The following RPS6KC1 variants were observed in gnomAD, a reference collection of about 807,000 sequenced individuals.
RPS6KC1 encodes the protein inactive ribosomal protein S6 kinase delta-1.
In RPS6KC1, 54 loss-of-function variants were observed where a neutral mutation model predicts 103.8. The ratio of observed to expected loss-of-function variants is 0.52; its 90% confidence interval spans 0.42 to 0.65. The LOEUF is 0.65. RPS6KC1 is among the 30% of genes least tolerant of loss of function. The pLI is 0.00. For missense variants in RPS6KC1, 1,151 were observed against 1,253.8 expected (o/e 0.92, Z 1.24); for synonymous variants, 439 against 438.7 (o/e 1.00, Z -0.01).
At chr1:213,687,107 C>T in the RPS6KC1 span, among the ~76,000 whole-genome samples, 15 of 152,302 alleles carry the variant, frequency 9.8e-5, no homozygotes, top group East Asian at 2.9e-3. Context: ...TGCTTCTTTA[C>T]CGCATCCTGT....
the RPS6KC1 span, among the ~76,000 whole-genome samples, chr1:213,579,428 A>C: frequency 2.0e-5 from 3 of 152,138 alleles, no homozygotes; most frequent in Admixed American, 6.5e-5. Context: ...AGCCACCTCT[A>C]TAACAAAAAA....
In RPS6KC1 at chr1:213,074,131, G is replaced by GACAA. The variant is rs199544095; in HGVS notation, c.141+3092_141+3095dup. 7.7e-3 allele frequency among the ~76,000 whole-genome samples: 1,169 copies of GACAA among 152,262 alleles called. 11 individuals are homozygous for GACAA. The highest frequency in any genetic ancestry group is 0.015 in the Admixed American group (224 of 15,300). The stretch of plus-strand genomic sequence containing the variant: ...ATTAAAACTATGTGAGCGTGAAAAG[G>GACAA]ACAAAGTTAATTCAATTGGTGGTTC... On this transcript the variant is annotated intron_variant, in intron 2 of 14. Coordinates refer to ENST00000366960, the MANE Select transcript of RPS6KC1 (RefSeq NM_012424.6).
At chr1:213,366,436 G>T in the RPS6KC1 span, among the ~76,000 whole-genome samples, 1 of 152,230 alleles carries the variant, frequency 6.6e-6, no homozygotes, top group African/African-American at 2.4e-5. Context: ...AGCAAAGGTG[G>T]ATCAGAGTAT....
At chr1:213,837,366 C>T in the RPS6KC1 span, 1 of 152,194 alleles carries the variant, frequency 6.6e-6, no homozygotes, top group Non-Finnish European at 1.5e-5. Flanking sequence ...ACCCATCTGG[C>T]ATATCTCCTA....
chr1:213,560,548 T>C, the RPS6KC1 span, among the ~76,000 whole-genome samples: 1 of 152,194 alleles, frequency 6.6e-6, no homozygotes, highest in East Asian at 1.9e-4. Flanking sequence ...TGTGTAAGTG[T>C]GAAAGTAAAT....
chr1:213,303,137 C>T, the RPS6KC1 span, among the ~76,000 whole-genome samples: 1 of 152,148 alleles, frequency 6.6e-6, no homozygotes, highest in Non-Finnish European at 1.5e-5. Context: ...GGCTCTTTGG[C>T]ATTTGTGGAC....
the RPS6KC1 span, among the ~76,000 whole-genome samples, chr1:213,528,558 G>C: frequency 2.6e-5 from 4 of 152,146 alleles, no homozygotes; most frequent in African/African-American, 9.7e-5. Context: ...CTTGACACTG[G>C]GGAAAAAGAG....
chr1:213,619,434 C>T, the RPS6KC1 span, among the ~76,000 whole-genome samples: 1 of 152,222 alleles, frequency 6.6e-6, no homozygotes, highest in African/African-American at 2.4e-5. Context: ...CCAAGGATTG[C>T]ATTTACATCT....
At chr1:213,402,081 T>TA in the RPS6KC1 span, among the ~76,000 whole-genome samples, 2 of 149,094 alleles carry the variant, frequency 1.3e-5, no homozygotes, top group Non-Finnish European at 3.0e-5. Flanking sequence ...GAGTGTATTT[T>TA]TAAAAAATTC....
the RPS6KC1 span, among the ~76,000 whole-genome samples, chr1:213,608,321 G>T: frequency 6.6e-6 from 1 of 152,282 alleles, no homozygotes; most frequent in Non-Finnish European, 1.5e-5. Flanking sequence ...GGTCTGTTTG[G>T]CTCTTTTAAA....
chr1:213,674,851 A>G, the RPS6KC1 span, among the ~76,000 whole-genome samples: 1 of 152,120 alleles, frequency 6.6e-6, no homozygotes, highest in East Asian at 1.9e-4. Flanking sequence ...ATAAGATGGT[A>G]TCTCATTGTG....
the RPS6KC1 span, among the ~76,000 whole-genome samples, chr1:213,505,533 T>C: frequency 6.6e-6 from 1 of 152,202 alleles, no homozygotes; most frequent in African/African-American, 2.4e-5. Context: ...AGGTTTTTGT[T>C]GTGAGGATTG....
chr1:213,507,890 A>T, the RPS6KC1 span, among the ~76,000 whole-genome samples: 2 of 152,200 alleles, frequency 1.3e-5, no homozygotes, highest in Non-Finnish European at 2.9e-5. Context: ...AGAGCTTTAA[A>T]CTATGTTTCA....
Position 213,152,049 on chromosome 1 carries a change from G to A in RPS6KC1, c.836-15809G>A, listed in dbSNP as rs549504431. Among the ~76,000 whole-genome samples, 655 of 143,426 alleles carry A rather than the reference G, an allele frequency of 4.6e-3. 8 individuals are homozygous for A. Among genetic ancestry groups the A allele is most frequent in the African/African-American group, 0.014 (532 of 37,304 alleles). 94.1% of individuals were successfully genotyped at this position (143,426 alleles called of 152,430 possible). A position where few individuals can be genotyped will look rare whatever the true frequency, so the allele number is the denominator to read the frequency against. ...TCCCGGACGGGGCAGCTGGCCGGGCGGGGGGCTAACCCCCCCACCTCCCTC... is the reference window on the plus strand; with the variant it reads ...TCCCGGACGGGGCAGCTGGCCGGGCAGGGGGCTAACCCCCCCACCTCCCTC... On this transcript the variant is annotated intron_variant, in intron 6 of 14. Coordinates refer to ENST00000366960, the MANE Select transcript of RPS6KC1 (RefSeq NM_012424.6).
At chr1:213,482,940 A>G in the RPS6KC1 span, among the ~76,000 whole-genome samples, 3,963 of 151,322 alleles carry the variant, frequency 0.026, 163 homozygotes, top group African/African-American at 0.084. Context: ...CCATCTTTCC[A>G]TTTTCCTAAC....
At chr1:213,685,498 C>T in the RPS6KC1 span, among the ~76,000 whole-genome samples, 1 of 151,966 alleles carries the variant, frequency 6.6e-6, no homozygotes, top group Non-Finnish European at 1.5e-5. Context: ...GGCTTGCTGG[C>T]AGGAGCCTGT....
downstream of RPS6KC1, among the ~76,000 whole-genome samples, chr1:213,278,548 A>ATTG (rs1459008586): frequency 6.6e-6 from 1 of 152,190 alleles, no homozygotes; most frequent in Non-Finnish European, 1.5e-5. Flanking sequence ...ATGACTAAGA[A>ATTG]AACTTCTTTA....
At chr1:213,221,820 G>A (rs1282278030) in intron 8 of RPS6KC1, among the ~76,000 whole-genome samples, 1 of 152,108 alleles carries the variant, frequency 6.6e-6, no homozygotes, top group Non-Finnish European at 1.5e-5. Flanking sequence ...GGAATCTTGG[G>A]TGTTTGCATA....
the RPS6KC1 span, among the ~76,000 whole-genome samples, chr1:213,493,905 A>T: frequency 6.6e-6 from 1 of 150,702 alleles, no homozygotes; most frequent in East Asian, 1.9e-4. Flanking sequence ...AAAACTGGAC[A>T]GGGATTTTAT....
Sources: allele counts gnomAD v4.1 joint callset (sites outside exome capture counted in the v4.1 genomes callset), GRCh38; gene constraint gnomAD v4.1.1; transcripts MANE v1.5; gene names NCBI Gene and HGNC (gene_info 2026-07-23, HGNC 2026-07-21).